Variants in SH3KBP1 observed in about 807,000 individuals in gnomAD.
The protein encoded by SH3KBP1 is SH3 domain containing kinase binding protein 1.
Under a neutral mutation model 50.1 loss-of-function variants are expected in SH3KBP1, and 8 were observed. That is an observed-to-expected ratio of 0.16 (90% CI 0.09 to 0.29). The LOEUF (loss-of-function observed/expected upper bound fraction) is 0.29. SH3KBP1 is among the 10% of genes least tolerant of loss of function. The probability of loss-of-function intolerance (pLI) is 1.00; values close to 1 mark genes in which losing one functional copy is unlikely to be tolerated. For missense variants in SH3KBP1, 377 were observed against 535.2 expected, an observed-to-expected ratio of 0.70 and a Z score of 2.92; for synonymous variants, 227 against 218.6, an observed-to-expected ratio of 1.04 and a Z score of -0.34.
At chrX:19,620,448 T>C (rs1193185044) in intron 8 of SH3KBP1, among the ~76,000 whole-genome samples, 2 of 112,726 alleles carry the variant, frequency 1.8e-5, no homozygotes, top group African/African-American at 6.4e-5. Flanking sequence ...AACATATTTC[T>C]TAGCCTGAAA....
At chrX:19,688,092 G>T (rs1285517903) in intron 5 of SH3KBP1, among the ~76,000 whole-genome samples, 1 of 112,228 alleles carries the variant, frequency 8.9e-6, no homozygotes, top group African/African-American at 3.2e-5. Context: ...GCTTCTCTTT[G>T]GAGAATACGA....
At chrX:19,869,101 G>T (rs1182813096) in intron 1 of SH3KBP1, among the ~76,000 whole-genome samples, 2 of 111,294 alleles carry the variant, frequency 1.8e-5, no homozygotes, top group Non-Finnish European at 3.8e-5. Flanking sequence ...GCATGCAGTT[G>T]ACCTCTAGAA....
chrX:19,782,619 C>T (rs953495483), intron 2 of SH3KBP1, among the ~76,000 whole-genome samples: 1 of 111,708 alleles, frequency 9.0e-6, no homozygotes, highest in Non-Finnish European at 1.9e-5. Context: ...GCTGGAAACA[C>T]CTAGTGACAT....
intron 2 of SH3KBP1, among the ~76,000 whole-genome samples, chrX:19,833,144 G>A (rs1307665551): frequency 3.6e-5 from 4 of 110,017 alleles, no homozygotes; most frequent in African/African-American, 9.9e-5. Flanking sequence ...TCTTTCCCAT[G>A]GTCCTCCTCT....
intron 1 of SH3KBP1, among the ~76,000 whole-genome samples, chrX:19,875,069 C>T (rs2069205122): frequency 9.0e-6 from 1 of 110,997 alleles, no homozygotes; most frequent in African/African-American, 3.3e-5. Context: ...GGGGTTAACT[C>T]GTCAGGCGGT....
At chrX:19,807,501 C>T (rs916278838) in intron 2 of SH3KBP1, among the ~76,000 whole-genome samples, 4 of 110,854 alleles carry the variant, frequency 3.6e-5, no homozygotes, top group African/African-American at 1.3e-4. Flanking sequence ...CGTGTGGGCT[C>T]CAACTTCTCC....
chrX:19,677,769 A>T (rs2062962448), intron 6 of SH3KBP1, among the ~76,000 whole-genome samples: 1 of 112,160 alleles, frequency 8.9e-6, no homozygotes, highest in African/African-American at 3.2e-5. Flanking sequence ...TCTCTCCATG[A>T]CAATAGTTCA....
intron 12 of SH3KBP1, among the ~76,000 whole-genome samples, chrX:19,579,340 C>T (rs1419921399): frequency 1.8e-5 from 2 of 111,716 alleles, no homozygotes; most frequent in East Asian, 5.6e-4. Flanking sequence ...GCCTGCAAAC[C>T]CACAGCTTGA....
At chrX:19,874,087 A>ATATATATATATATATATATAT (rs1207906391) in intron 1 of SH3KBP1, among the ~76,000 whole-genome samples, 4 of 95,288 alleles carry the variant, frequency 4.2e-5, no homozygotes, top group African/African-American at 1.8e-4. Context: ...ATATATATAT[A>ATATATATATATATATATATAT]AAACTCTAAA....
intron 9 of SH3KBP1, among the ~76,000 whole-genome samples, chrX:19,602,598 G>A (rs1321767774): frequency 2.7e-5 from 3 of 112,300 alleles, no homozygotes; most frequent in Non-Finnish European, 5.6e-5. Flanking sequence ...CTGCTTATTA[G>A]AAGCACATAT....
intron 17 of SH3KBP1, among the ~76,000 whole-genome samples, chrX:19,537,501 C>T (rs56952446): frequency 0.023 from 2,544 of 108,925 alleles, 79 homozygotes; most frequent in African/African-American, 0.08. Context: ...AAATGAGAAA[C>T]CCAATTTGGG....
chrX:19,755,819 C>T (rs1282542287), intron 2 of SH3KBP1, among the ~76,000 whole-genome samples: 2 of 111,771 alleles, frequency 1.8e-5, no homozygotes, highest in Non-Finnish European at 3.8e-5. Flanking sequence ...AGATTCCAGA[C>T]ATTGTATAAA....
At chrX:19,785,846 T>C (rs913412895) in intron 2 of SH3KBP1, among the ~76,000 whole-genome samples, 2 of 110,934 alleles carry the variant, frequency 1.8e-5, no homozygotes, top group African/African-American at 6.6e-5. Flanking sequence ...AAATCATATA[T>C]GATTCCACTT....
At chrX:19,659,268 C>T (rs192825050) in intron 6 of SH3KBP1, among the ~76,000 whole-genome samples, 1 of 109,356 alleles carries the variant, frequency 9.1e-6, no homozygotes, top group Admixed American at 9.7e-5. Flanking sequence ...GTGCCCGCCA[C>T]CACGCCTGGC....
intron 13 of SH3KBP1, among the ~76,000 whole-genome samples, chrX:19,567,518 C>CAAAAAAA (rs869158450): frequency 1.4e-4 from 1 of 7,272 alleles, no homozygotes; most frequent in Non-Finnish European, 2.2e-4. Context: ...GACTCCATCT[C>CAAAAAAA]AAAAAAAAAA....
intron 1 of SH3KBP1, among the ~76,000 whole-genome samples, chrX:19,871,551 T>C (rs1023739741): frequency 8.9e-6 from 1 of 112,536 alleles, no homozygotes; most frequent in Admixed American, 9.4e-5. Context: ...GATGGCATCA[T>C]AAATATTCAA....
chrX:19,537,666 C>T lies in SH3KBP1; in HGVS notation c.1956+51G>A, dbSNP rs757386213. ...TTGAAATAAAAGCCCTCACAATGTC[C>T]TGCCCCACTGAGCCTAGGACTCACG... is the stretch of plus-strand genomic sequence containing the variant. On this transcript the variant is annotated intron_variant, in intron 17 of 17. Transcript: ENST00000397821. 6 of 1,036,901 alleles carry T rather than the reference C, an allele frequency of 5.8e-6. No individual in the cohort carries two copies. In the African/African-American group the frequency reaches 1.1e-4, roughly 19 times the overall value. 85.5% of individuals were successfully genotyped at this position (1,036,901 alleles called of 1,213,427 possible).
At chrX:19,542,803 A>G (rs759854936) in intron 15 of SH3KBP1, among the ~76,000 whole-genome samples, 1 of 111,667 alleles carries the variant, frequency 9.0e-6, no homozygotes, top group African/African-American at 3.3e-5. Context: ...CGCAGAGCAA[A>G]ATGCATTGGT....
At chrX:19,801,051 C>T (rs1206768870) in intron 2 of SH3KBP1, among the ~76,000 whole-genome samples, 1 of 111,761 alleles carries the variant, frequency 8.9e-6, no homozygotes, top group Non-Finnish European at 1.9e-5. Flanking sequence ...CCCATGGAGC[C>T]CATTTCCAGC....
Sources: gnomAD v4.1 joint callset for allele counts (sites outside exome capture counted in the v4.1 genomes callset) on GRCh38, gnomAD v4.1.1 for gene constraint, MANE v1.5 for transcripts, NCBI Gene and HGNC (gene_info 2026-07-23, HGNC 2026-07-21) for gene names.